RCN1: variants seen among roughly 807,000 people sequenced by gnomAD.
RCN1 encodes the protein reticulocalbin-1.
Under a neutral mutation model 34.7 loss-of-function variants are expected in RCN1, and 14 were observed. The observed-to-expected ratio is 0.40, with a 90% CI of 0.27 to 0.63. The LOEUF is 0.63. RCN1 is among the 30% of genes least tolerant of loss of function. The probability of loss-of-function intolerance (pLI) is 0.37; values close to 1 mark genes in which losing one functional copy is unlikely to be tolerated. For missense variants in RCN1, 326 were observed against 425.1 expected, an observed-to-expected ratio of 0.77 and a Z score of 2.05; for synonymous variants, 125 against 165.5, an observed-to-expected ratio of 0.76 and a Z score of 1.88.
chr11:32,105,379 A>C lies in RCN1; in HGVS notation c.*907A>C, dbSNP rs1852099134. ...TCCCATCCAGTCCAGTGAATCCACGACCCGCAGACCTGTCCCCCCGCAACA... is the reference window on the plus strand; with the variant it reads ...TCCCATCCAGTCCAGTGAATCCACGCCCCGCAGACCTGTCCCCCCGCAACA... On this transcript the variant is annotated 3_prime_UTR_variant, in exon 6 of 6. Transcript: ENST00000054950. The C allele has an allele frequency of 1.3e-5, 2 of 153,448 alleles. No homozygotes were observed. Among genetic ancestry groups the C allele is most frequent in the Admixed American group, 1.3e-4 (2 of 15,262 alleles). The allele number at this position is 153,448 out of a possible 1,614,324, so 9.5% of individuals were successfully genotyped here. A position where few individuals can be genotyped will look rare whatever the true frequency, so the allele number is the denominator to read the frequency against.
chr11:32,093,219 C>CGG (rs1565349548), intron 1 of RCN1, among the ~76,000 whole-genome samples: 1 of 152,152 alleles, frequency 6.6e-6, no homozygotes, highest in African/African-American at 2.4e-5. Context: ...GAAAAAGTGA[C>CGG]GGTGAAGTTG....
chr11:32,093,359 C>T (rs1210459848), intron 1 of RCN1, among the ~76,000 whole-genome samples: 1 of 152,222 alleles, frequency 6.6e-6, no homozygotes, highest in Non-Finnish European at 1.5e-5. Flanking sequence ...ACCTTATGCT[C>T]TGGGCGTCGA....
intron 2 of RCN1, 132 bp downstream of exon 2, chr11:32,097,469 T>G: frequency 1.9e-6 from 1 of 532,594 alleles, no homozygotes; most frequent in Non-Finnish European, 3.1e-6. Flanking sequence ...CCTGCTTGTA[T>G]AACACCCTCC....
At chr11:32,094,522 C>T (rs143766790) in intron 1 of RCN1, among the ~76,000 whole-genome samples, 113 of 152,280 alleles carry the variant, frequency 7.4e-4, no homozygotes, top group African/African-American at 2.6e-3. Context: ...AGGTTTTGCT[C>T]ATTCTGTTAC....
At chr11:32,103,580 T>G (rs748349355) in intron 5 of RCN1, 100 bp downstream of exon 5, 6 of 1,012,296 alleles carry the variant, frequency 5.9e-6, no homozygotes, top group Admixed American at 3.6e-5. Context: ...CATGTGGCCA[T>G]GTCTTTATTG....
chr11:32,102,467 G>A (rs1448107275), intron 4 of RCN1: 1 of 152,248 alleles, frequency 6.6e-6, no homozygotes, highest in East Asian at 1.9e-4. Flanking sequence ...TTCCGTGACA[G>A]AGAAACTGCC....
In RCN1 at chr11:32,104,554, G is replaced by A. The variant is rs1203354267; in HGVS notation, c.*82G>A. ...TGTTGCTACAATTGTCTAATTTACA[G>A]CAGTTGTGATCCCACAAAAAGCAAG... On this transcript the variant is annotated 3_prime_UTR_variant, in exon 6 of 6. Coordinates refer to ENST00000054950, the MANE Select transcript of RCN1 (RefSeq NM_002901.4). 4.8e-6 allele frequency: 4 copies of A among 826,624 alleles called. No individual in the cohort carries two copies. The highest frequency in any genetic ancestry group is 8.0e-6 in the Non-Finnish European group (4 of 501,392). The allele number at this position is 826,624 out of a possible 1,614,324, so 51.2% of individuals were successfully genotyped here.
In RCN1 at chr11:32,097,148, A is replaced by G. The variant is rs199769797; in HGVS notation, c.259A>G (p.Ile87Val). The change falls in exon 2 of 6, where the codon ATT becomes GTT. Residue 87 changes from isoleucine (I) to valine (V), a missense_variant. Transcript: ENST00000054950. ...PDESKERLGK[I>V]VDRIDNDGDG... is the part of the protein sequence containing the mutation. ...TTTTTTTTTTTTGTACTGCAGGAAG[A>G]TTGTTGATCGAATCGACAATGATGG... 440 of 1,497,078 alleles carry G rather than the reference A, an allele frequency of 2.9e-4. No individual in the cohort carries two copies. Among genetic ancestry groups the G allele is most frequent in the Non-Finnish European group, 3.6e-4 (411 of 1,128,418 alleles). 92.7% of individuals were successfully genotyped at this position (1,497,078 alleles called of 1,614,324 possible).
intron 2 of RCN1, among the ~76,000 whole-genome samples, chr11:32,097,594 C>T (rs891384307): frequency 6.6e-6 from 1 of 152,158 alleles, no homozygotes; most frequent in African/African-American, 2.4e-5. Flanking sequence ...ATCTCAACTT[C>T]GTCTCAGATG....
chr11:32,103,533 A>T, intron 5 of RCN1, 53 bp downstream of exon 5: 1 of 1,541,286 alleles, frequency 6.5e-7, no homozygotes, highest in Non-Finnish European at 9.0e-7. Context: ...TTTACATAAG[A>T]TCGGTTTTGT....
chr11:32,102,311 G>A (rs964150462), intron 4 of RCN1: 6 of 152,040 alleles, frequency 3.9e-5, no homozygotes, highest in Non-Finnish European at 7.4e-5. Context: ...GATGAAGCTC[G>A]AATTAGCTAA....
chr11:32,103,774 C>T (rs1852075737), intron 5 of RCN1, among the ~76,000 whole-genome samples: 1 of 152,152 alleles, frequency 6.6e-6, no homozygotes, highest in African/African-American at 2.4e-5. Flanking sequence ...AAGTATACCC[C>T]GTGTTGCCCT....
intron 4 of RCN1, chr11:32,102,375 A>G (rs1350895625): frequency 1.3e-5 from 2 of 152,264 alleles, no homozygotes; most frequent in African/African-American, 4.8e-5. Context: ...TTAGGGGTCT[A>G]CCTTGTAGTC....
intron 1 of RCN1, chr11:32,096,635 A>C (rs1393838745): frequency 6.6e-6 from 1 of 152,348 alleles, no homozygotes; most frequent in African/African-American, 2.4e-5. Context: ...TTTGATTTAC[A>C]TACAGTTTCC....
chr11:32,100,272 G>A (rs1332468308), intron 3 of RCN1, among the ~76,000 whole-genome samples: 1 of 152,136 alleles, frequency 6.6e-6, no homozygotes, highest in East Asian at 1.9e-4. Flanking sequence ...GGCCTGGCAG[G>A]GCCTCCTGAT....
chr11:32,091,551 C>T, intron 1 of RCN1, 101 bp downstream of exon 1: 1 of 1,440,280 alleles, frequency 6.9e-7, no homozygotes, highest in Admixed American at 2.8e-5. Context: ...AAAGCGAAAT[C>T]GCGCGCGCGG....
chr11:32,093,189 A>G (rs1165570321), intron 1 of RCN1, among the ~76,000 whole-genome samples: 1 of 152,180 alleles, frequency 6.6e-6, no homozygotes, highest in African/African-American at 2.4e-5. Context: ...CTTCATTGTG[A>G]CAGTTCAGCC....
rs377571950 is a variant in RCN1, at chr11:32,092,763, T to C, written c.254+1313T>C. Among the ~76,000 whole-genome samples the C allele has an allele frequency of 3.3e-5, 5 of 152,252 alleles. No homozygotes were observed. In the South Asian group the frequency reaches 1.0e-3, roughly 32 times the overall value. ...TTGGGCACCAGGTCTCAGATCTCCC[T>C]GAACCTGATTCCTGGGGGTGGAGGA... is the stretch of plus-strand genomic sequence containing the variant. On this transcript the variant is annotated intron_variant, in intron 1 of 5. Transcript: ENST00000054950.
At chr11:32,091,769 T>G (rs186571942) in intron 1 of RCN1, 32 of 386,532 alleles carry the variant, frequency 8.3e-5, no homozygotes, top group Non-Finnish European at 1.5e-4. Context: ...GAGGGGAGAG[T>G]GCACAAAAGA....
Sources: allele counts gnomAD v4.1 joint callset (sites outside exome capture counted in the v4.1 genomes callset), GRCh38; gene constraint gnomAD v4.1.1; transcripts MANE v1.5; gene names NCBI Gene and HGNC (gene_info 2026-07-23, HGNC 2026-07-21).